Variants in CD44 observed in about 807,000 individuals in gnomAD.
The protein encoded by CD44 is CD44 molecule (IN blood group), also known as CD44 antigen.
Under a neutral mutation model 88.8 loss-of-function variants are expected in CD44, and 49 were observed. The ratio of observed to expected loss-of-function variants is 0.55; its 90% CI spans 0.44 to 0.70. The LOEUF (loss-of-function observed/expected upper bound fraction) is 0.70, where lower values mean the gene tolerates loss of function less well. CD44 is among the 30% of genes least tolerant of loss of function. The pLI is 0.00. For missense variants in CD44, 883 were observed against 913.8 expected, an observed-to-expected ratio of 0.97 and a Z score of 0.43; for synonymous variants, 325 against 312.3, an observed-to-expected ratio of 1.04 and a Z score of -0.43.
In CD44 at chr11:35,181,971, A is replaced by G. The variant is rs573969150; in HGVS notation, c.367+1564A>G. Among the ~76,000 whole-genome samples, 256 of 104,390 alleles carry G rather than the reference A, an allele frequency of 2.5e-3. 3 individuals carry two copies. The highest frequency in any genetic ancestry group is 9.4e-3 in the African/African-American group (246 of 26,192). 68.5% of individuals were successfully genotyped at this position (104,390 alleles called of 152,430 possible). A position where few individuals can be genotyped will look rare whatever the true frequency, so the allele number is the denominator to read the frequency against. On this transcript the variant is annotated intron_variant, in intron 3 of 17. Coordinates refer to ENST00000428726, the MANE Select transcript of CD44 (RefSeq NM_000610.4). ...ATATATATAAATTTTATATATATAA[A>G]TATTATATATTATATATAAATTTAT...
chr11:35,178,486 C>G (rs1944681045), intron 2 of CD44, among the ~76,000 whole-genome samples: 1 of 152,240 alleles, frequency 6.6e-6, no homozygotes, highest in African/African-American at 2.4e-5. Context: ...TGCTTAGCCT[C>G]AGCCCAGGAC....
intron 1 of CD44, among the ~76,000 whole-genome samples, chr11:35,162,325 T>C (rs1437005840): frequency 6.6e-6 from 1 of 152,238 alleles, no homozygotes; most frequent in Non-Finnish European, 1.5e-5. Context: ...TTGCGAGGTA[T>C]GGTCTCCTGT....
At chr11:35,197,761 C>A in intron 6 of CD44, 1 of 155,372 alleles carries the variant, frequency 6.4e-6, no homozygotes, top group Non-Finnish European at 1.4e-5. Flanking sequence ...CCTTTCCATT[C>A]TGTTCTTGAT....
rs1947153223 is a variant in CD44 at position 35,199,957 on chromosome 11, T to C, written c.923-1125T>C. 9.0e-5 allele frequency among the ~76,000 whole-genome samples: 11 copies of C among 121,750 alleles called. No homozygotes were observed. In the South Asian group the frequency reaches 3.0e-3, roughly 33 times the overall value. 79.9% of individuals were successfully genotyped at this position (121,750 alleles called of 152,430 possible). ...TTGTTTTTTTTTTTTTTTTTTTTTTTTTTTAATTTTTTAAATCTCTATGGC... is the reference window on the plus strand; with the variant it reads ...TTGTTTTTTTTTTTTTTTTTTTTTTCTTTTAATTTTTTAAATCTCTATGGC... On this transcript the variant is annotated intron_variant, in intron 7 of 17. Coordinates refer to ENST00000428726, the MANE Select transcript of CD44 (RefSeq NM_000610.4).
chr11:35,157,299 C>T (rs1941996246), intron 1 of CD44, among the ~76,000 whole-genome samples: 1 of 148,210 alleles, frequency 6.7e-6, no homozygotes, highest in South Asian at 2.2e-4. Context: ...TGTCTATCAT[C>T]TATCCATCTA....
At chr11:35,143,823 G>A (rs1858498912) in intron 1 of CD44, among the ~76,000 whole-genome samples, 1 of 152,190 alleles carries the variant, frequency 6.6e-6, no homozygotes, top group Non-Finnish European at 1.5e-5. Context: ...GAGTCCAGCT[G>A]CCCTCCCAGA....
rs1461177395 is a variant in CD44 at position 35,229,323 on chromosome 11, T to C, written c.2219T>C (p.Ile740Thr). Residue 740 changes from isoleucine (I) to threonine (T), a missense_variant, in exon 18 of 18, where the codon ATT (isoleucine) becomes ACT (threonine). Around this residue, in one of 2 missense-constraint regions of CD44, gnomAD observed 631 missense variants for 590.9 expected, o/e 1.07. Coordinates refer to ENST00000428726, the MANE Select transcript of CD44 (RefSeq NM_000610.4). ...TRNLQNVDMK[I>T]GV ...AACCTGCAGAATGTGGACATGAAGA[T>C]TGGGGTGTAACACCTACACCATTAT... is the stretch of plus-strand genomic sequence containing the variant. 3 of 1,609,742 alleles carry C rather than the reference T, an allele frequency of 1.9e-6. No homozygotes were observed. Among genetic ancestry groups the C allele is most frequent in the Non-Finnish European group, 2.6e-6 (3 of 1,176,226 alleles).
At position 35,139,362 on chromosome 11, in the gene CD44, C is replaced by T; in HGVS notation, c.59C>T (p.Ala20Val). 1 of 1,559,060 alleles carries T rather than the reference C, an allele frequency of 6.4e-7. No homozygotes were observed. Among genetic ancestry groups the T allele is most frequent in the Non-Finnish European group, 8.7e-7 (1 of 1,151,000 alleles). The change falls in exon 1 of 18, where the codon GCG becomes GTG. Residue 20 changes from alanine (A) to valine (V), a missense_variant. By Grantham distance (64) the Ala-to-Val change is moderately conservative. Around this residue, in one of 2 missense-constraint regions of CD44, gnomAD observed 252 missense variants for 322.9 expected, o/e 0.78. Transcript: ENST00000428726. ...CTCTGCCTCGTGCCGCTGAGCCTGGCGCAGATCGGTGAGTGCCCGCCGCAG... is the reference window on the plus strand; with the variant it reads ...CTCTGCCTCGTGCCGCTGAGCCTGGTGCAGATCGGTGAGTGCCCGCCGCAG... Reference protein sequence around the residue: ...WGLCLVPLSLAQIDLNITCRF... With the variant: ...WGLCLVPLSLVQIDLNITCRF...
intron 5 of CD44, among the ~76,000 whole-genome samples, chr11:35,190,706 C>G (rs1392037265): frequency 2.0e-5 from 3 of 152,188 alleles, no homozygotes; most frequent in Non-Finnish European, 4.4e-5. Context: ...GTGATTTTCA[C>G]CAACGATAAT....
At chr11:35,175,613 T>C (rs772075305) in intron 1 of CD44, among the ~76,000 whole-genome samples, 1 of 152,228 alleles carries the variant, frequency 6.6e-6, no homozygotes, top group Non-Finnish European at 1.5e-5. Flanking sequence ...GGTGGACTTA[T>C]TTTCCTTCAT....
intron 9 of CD44, among the ~76,000 whole-genome samples, chr11:35,204,156 G>T (rs1288083113): frequency 6.6e-6 from 1 of 152,158 alleles, no homozygotes; most frequent in African/African-American, 2.4e-5. Flanking sequence ...GAGCAAAGAG[G>T]TTATTCTTTG....
intron 1 of CD44, among the ~76,000 whole-genome samples, chr11:35,148,259 T>C (rs1432600802): frequency 1.3e-5 from 2 of 152,150 alleles, no homozygotes; most frequent in Non-Finnish European, 2.9e-5. Context: ...CTCTGCTGAG[T>C]ATCCAGTCAA....
rs144370443 is a variant in CD44, at chr11:35,158,510, C to T, written c.68-18065C>T. ...GCTTAGAGTTGTGTAAGGACTGACG[C>T]GATCACAGACTTGAAACCCTTGATA... On this transcript the variant is annotated intron_variant, in intron 1 of 17. Transcript: ENST00000428726. Among the ~76,000 whole-genome samples, 26 of 152,260 alleles carry T rather than the reference C, an allele frequency of 1.7e-4. No homozygotes were observed. The South Asian group carries it at 5.0e-3, about 29-fold the overall frequency.
At chr11:35,218,637 T>C (rs1392884827) in intron 15 of CD44, among the ~76,000 whole-genome samples, 1 of 152,212 alleles carries the variant, frequency 6.6e-6, no homozygotes, top group East Asian at 1.9e-4. Flanking sequence ...ATAGTGTTTA[T>C]GTTGGCTCCT....
chr11:35,201,459 G>C (rs1054015863), intron 8 of CD44, among the ~76,000 whole-genome samples: 2 of 152,150 alleles, frequency 1.3e-5, no homozygotes, highest in South Asian at 2.1e-4. Context: ...ACTGATCATA[G>C]TGGAATAATA....
At position 35,201,089 on chromosome 11, in the gene CD44, C is replaced by T; in HGVS notation, c.930C>T (p.Thr310=). The T allele has an allele frequency of 2.5e-6, 4 of 1,612,652 alleles. No individual in the cohort carries two copies. The highest frequency in any genetic ancestry group is 2.5e-6 in the Non-Finnish European group (3 of 1,178,630). ...DEDFISSTIS[T]TPRAFDHTKQ... Reference sequence around the variant, plus strand: ...CAATCATCGTTATCACAGTTTCAACCACACCACGGGCTTTTGACCACACAA... The same window carrying T: ...CAATCATCGTTATCACAGTTTCAACTACACCACGGGCTTTTGACCACACAA... The change falls in exon 8 of 18, where the codon ACC becomes ACT. Residue 310 remains threonine, a synonymous_variant. Transcript: ENST00000428726.
At chr11:35,186,598 G>A (rs1945705709) in intron 3 of CD44, among the ~76,000 whole-genome samples, 1 of 152,170 alleles carries the variant, frequency 6.6e-6, no homozygotes, top group Non-Finnish European at 1.5e-5. Flanking sequence ...TGAATTCACT[G>A]TGGTGGGAAA....
chr11:35,177,161 C>G (rs967197880), intron 2 of CD44: 1 of 152,616 alleles, frequency 6.6e-6, no homozygotes, highest in African/African-American at 2.5e-5. Context: ...AAACTACTCT[C>G]TCTTACTCTC....
intron 14 of CD44, chr11:35,213,698 G>GTGGTGA (rs1554974662): frequency 6.6e-6 from 1 of 152,186 alleles, no homozygotes; most frequent in African/African-American, 2.4e-5. Flanking sequence ...AGTGGTGGTG[G>GTGGTGA]TGGTGATGGT....
Sources: gnomAD v4.1 joint callset for allele counts (sites outside exome capture counted in the v4.1 genomes callset) on GRCh38, gnomAD v4.1.1 for gene constraint, gnomAD v4.1.1 regional missense constraint, MANE v1.5 for transcripts, NCBI Gene and HGNC (gene_info 2026-07-23, HGNC 2026-07-21) for gene names.